Variants in ADRA1B observed in about 807,000 individuals in gnomAD.
ADRA1B encodes the protein alpha-1B adrenergic receptor.
Under a neutral mutation model 17.9 loss-of-function variants are expected in ADRA1B, and 17 were observed. The observed-to-expected ratio is 0.95, with a 90% confidence interval of 0.65 to 1.42. The LOEUF is 1.42. ADRA1B is among the 40% of genes most tolerant of loss of function. The pLI, the probability that ADRA1B is intolerant of heterozygous loss-of-function variation, is 0.00. For synonymous variants in ADRA1B, 366 were observed against 327.6 expected (o/e 1.12, Z -1.27); for missense variants, 681 against 722.1 (o/e 0.94, Z 0.65).
intron 1 of ADRA1B, among the ~76,000 whole-genome samples, chr5:159,944,444 A>G (rs1253974372): frequency 6.6e-6 from 1 of 152,256 alleles, no homozygotes; most frequent in Admixed American, 6.5e-5. Flanking sequence ...ATTATTGTAC[A>G]TCACACAGAG....
intron 1 of ADRA1B, among the ~76,000 whole-genome samples, chr5:159,927,529 C>A (rs757018084): frequency 4.6e-5 from 7 of 151,938 alleles, no homozygotes; most frequent in Non-Finnish European, 1.0e-4. Context: ...ATACAGGTGC[C>A]CCAGCTTTGC....
chr5:159,962,669 CTTT>C (rs113639158), intron 1 of ADRA1B, among the ~76,000 whole-genome samples: 31,727 of 124,524 alleles, frequency 0.25, 3,441 homozygotes, highest in East Asian at 0.41. Context: ...TGTTTTTCAG[CTTT>C]TTTTTTTTTT....
In ADRA1B at chr5:159,972,616, G is replaced by A. The variant is rs1046045976; in HGVS notation, c.*124G>A. 51 of 975,660 alleles carry A rather than the reference G, an allele frequency of 5.2e-5. 1 individual carries two copies. The Middle Eastern group carries it at 1.1e-3, about 21-fold the overall frequency. 60.4% of individuals were successfully genotyped at this position (975,660 alleles called of 1,614,324 possible). A position where few individuals can be genotyped will look rare whatever the true frequency, so the allele number is the denominator to read the frequency against. On this transcript the variant is annotated 3_prime_UTR_variant, in exon 2 of 2. Transcript: ENST00000306675. ...ACGCGCGCCCCAAGGGGAACCGGGGGGAGGGCCGGGGAGAGGGGCAGCTGC... is the reference window on the plus strand; with the variant it reads ...ACGCGCGCCCCAAGGGGAACCGGGGAGAGGGCCGGGGAGAGGGGCAGCTGC...
intron 1 of ADRA1B, among the ~76,000 whole-genome samples, chr5:159,939,304 TG>T (rs1755049987): frequency 7.0e-6 from 1 of 141,904 alleles, no homozygotes; most frequent in Non-Finnish European, 1.5e-5. Context: ...TGTGTGTGTG[TG>T]TGTGTGTGTG....
intron 1 of ADRA1B, among the ~76,000 whole-genome samples, chr5:159,936,602 G>A (rs545945986): frequency 2.6e-5 from 4 of 151,936 alleles, no homozygotes; most frequent in African/African-American, 4.8e-5. Flanking sequence ...TTTGCTCTCC[G>A]TGAAAAACAA....
intron 1 of ADRA1B, among the ~76,000 whole-genome samples, chr5:159,933,142 G>A (rs1754859902): frequency 6.6e-6 from 1 of 152,168 alleles, no homozygotes; most frequent in South Asian, 2.1e-4. Context: ...CTGGATCTTT[G>A]CCAACTTAAC....
intron 1 of ADRA1B, chr5:159,947,818 C>T (rs996786458): frequency 1.0e-6 from 1 of 985,296 alleles, no homozygotes; most frequent in Non-Finnish European, 1.2e-6. Flanking sequence ...AGCTACATTG[C>T]ATCACCATAT....
chr5:159,980,675 A>T, the ADRA1B span, among the ~76,000 whole-genome samples: 1 of 152,268 alleles, frequency 6.6e-6, no homozygotes, highest in Non-Finnish European at 1.5e-5. Flanking sequence ...CAAAGTTGCT[A>T]TGAGAAATAA....
Position 159,916,969 on chromosome 5 carries a change from A to G in ADRA1B, c.64A>G (p.Asn22Asp). ...SAPAHWGELKNANFTGPNQTS... is the reference protein window; with the variant it reads ...SAPAHWGELKDANFTGPNQTS... Reference sequence around the variant, plus strand: ...ACCTGCCCACTGGGGAGAGTTGAAAAATGCCAACTTCACTGGCCCCAACCA... The same window carrying G: ...ACCTGCCCACTGGGGAGAGTTGAAAGATGCCAACTTCACTGGCCCCAACCA... Residue 22 changes from asparagine (N) to aspartate (D), a missense_variant, in exon 1 of 2, where the codon AAT (asparagine) becomes GAT (aspartate). Asn to Asp is a conservative substitution (Grantham distance 23). Coordinates refer to ENST00000306675, the MANE Select transcript of ADRA1B (RefSeq NM_000679.4). The G allele has an allele frequency of 1.9e-6, 3 of 1,614,096 alleles. No individual in the cohort carries two copies. The South Asian group carries it at 3.3e-5, about 18-fold the overall frequency.
At chr5:159,958,701 T>C (rs555233890) in intron 1 of ADRA1B, among the ~76,000 whole-genome samples, 19 of 152,214 alleles carry the variant, frequency 1.2e-4, no homozygotes, top group Non-Finnish European at 2.2e-4. Flanking sequence ...TCAGATTAAT[T>C]TGGGGAAAAG....
chr5:159,891,073 G>C (rs1224177123), intron 1 of ADRA1B, among the ~76,000 whole-genome samples: 1 of 152,168 alleles, frequency 6.6e-6, no homozygotes, highest in Non-Finnish European at 1.5e-5. Context: ...CCCCCTCTAA[G>C]ATGGTAGCTA....
intron 1 of ADRA1B, among the ~76,000 whole-genome samples, chr5:159,900,895 C>A (rs1273839692): frequency 6.6e-6 from 1 of 152,164 alleles, no homozygotes; most frequent in Non-Finnish European, 1.5e-5. Context: ...GTACTTAATT[C>A]CACCATGATG....
intron 1 of ADRA1B, among the ~76,000 whole-genome samples, chr5:159,961,639 A>G (rs1263326648): frequency 6.6e-6 from 1 of 152,236 alleles, no homozygotes; most frequent in Non-Finnish European, 1.5e-5. Context: ...AATGCCCCTA[A>G]TAAGAGCCAC....
intron 1 of ADRA1B, among the ~76,000 whole-genome samples, chr5:159,880,461 A>C (rs2113086473): frequency 6.6e-6 from 1 of 152,328 alleles, no homozygotes; most frequent in East Asian, 1.9e-4. Flanking sequence ...TACAAAGACC[A>C]TGTGGACCCA....
At chr5:159,869,648 C>T (rs968496758) in intron 1 of ADRA1B, 1 of 152,202 alleles carries the variant, frequency 6.6e-6, no homozygotes, top group Non-Finnish European at 1.5e-5. Context: ...ATTTATTCAA[C>T]ATACATTAGT....
intron 1 of ADRA1B, chr5:159,948,170 G>T: frequency 1.0e-6 from 1 of 985,420 alleles, no homozygotes; most frequent in Non-Finnish European, 1.2e-6. Flanking sequence ...TTGACCCAGG[G>T]CTGGAGGCAT....
the ADRA1B span, among the ~76,000 whole-genome samples, chr5:159,981,365 G>T: frequency 6.6e-6 from 1 of 152,052 alleles, no homozygotes; most frequent in Non-Finnish European, 1.5e-5. Flanking sequence ...TGCCTCCCGG[G>T]GGGTAAAATA....
chr5:159,867,083 A>C (rs190986479), intron 1 of ADRA1B: 2 of 152,166 alleles, frequency 1.3e-5, no homozygotes, highest in East Asian at 3.9e-4. Flanking sequence ...ACATCTACTT[A>C]CTCTCTGTTC....
chr5:159,886,645 T>A lies in ADRA1B; in HGVS notation c.-256+21439T>A, dbSNP rs79932377. Among the ~76,000 whole-genome samples the A allele has an allele frequency of 4.0e-3, 610 of 152,286 alleles. 7 individuals are homozygous for A. Among genetic ancestry groups the A allele is most frequent in the African/African-American group, 0.014 (594 of 41,548 alleles). ...CATAGGGACCTCATAGGCCTTGGAT[T>A]GTCCATGAGCAAGGGGACATATTGA... On this transcript the variant is annotated intron_variant, in intron 1 of 2. Transcript: ENST00000641205.
Sources: gnomAD v4.1 joint callset for allele counts (sites outside exome capture counted in the v4.1 genomes callset) on GRCh38, gnomAD v4.1.1 for gene constraint, MANE v1.5 for transcripts, NCBI Gene and HGNC (gene_info 2026-07-23, HGNC 2026-07-21) for gene names.